TOP1MT: variants seen among roughly 807,000 people sequenced by gnomAD.
TOP1MT encodes the protein DNA topoisomerase I mitochondrial.
TOP1MT carries 80 observed loss-of-function variants against 73.9 expected under a neutral mutation model. The ratio of observed to expected loss-of-function variants is 1.08; its 90% CI spans 0.90 to 1.30. TOP1MT has a LOEUF of 1.30. Among genes scored for constraint, TOP1MT ranks in the 50% most tolerant of loss-of-function variants. The pLI is 0.00. For missense variants in TOP1MT, 815 were observed against 808.0 expected (o/e 1.01, Z -0.10); for synonymous variants, 338 against 326.4 (o/e 1.04, Z -0.38).
chr8:143,348,335 T>C (rs1054173375), upstream of TOP1MT, among the ~76,000 whole-genome samples: 4 of 152,046 alleles, frequency 2.6e-5, no homozygotes, highest in Non-Finnish European at 5.9e-5. This position sits in a 1 kb window ranked among gnomAD's most constrained non-coding sequence, Gnocchi z 4.6. Flanking sequence ...AACAAGAGAA[T>C]TGATAGAAAA....
chr8:143,352,457 G>A (rs747052443), intron 1 of TOP1MT, among the ~76,000 whole-genome samples: 5 of 152,150 alleles, frequency 3.3e-5, no homozygotes, highest in Admixed American at 6.5e-5. Context: ...TTTCAACAAG[G>A]GGTGCGGACT....
chr8:143,345,186 C>T (rs781032410), upstream of TOP1MT, among the ~76,000 whole-genome samples: 9 of 152,316 alleles, frequency 5.9e-5, no homozygotes, highest in African/African-American at 1.2e-4. Flanking sequence ...GACACAGACA[C>T]GTACCACACT....
At chr8:143,343,483 C>T in intron 1 of TOP1MT, 1 of 335,468 alleles carries the variant, frequency 3.0e-6, no homozygotes, top group Non-Finnish European at 5.9e-6. Context: ...ACTCTGAGCA[C>T]AGCACCAGCT....
chr8:143,320,964 G>A lies in TOP1MT; in HGVS notation c.1146+237C>T, dbSNP rs376258639. Among the ~76,000 whole-genome samples the A allele has an allele frequency of 2.6e-5, 4 of 152,180 alleles. No homozygotes were observed. In the East Asian group the frequency reaches 7.7e-4, roughly 29 times the overall value. Reference sequence around the variant, plus strand: ...GGCCGGGGGGCAGGAGACGAAGCTGGCGTGACACACGTGCCCTTTTCAGCC... The same window carrying A: ...GGCCGGGGGGCAGGAGACGAAGCTGACGTGACACACGTGCCCTTTTCAGCC... On this transcript the variant is annotated intron_variant, in intron 8 of 13. Transcript: ENST00000329245.
intron 7 of TOP1MT, among the ~76,000 whole-genome samples, chr8:143,321,868 C>CACAT (rs1816410662): frequency 1.5e-5 from 1 of 67,568 alleles, no homozygotes; most frequent in Non-Finnish European, 3.4e-5. Context: ...GCATGCCACA[C>CACAT]GCACACCACA....
At chr8:143,320,899 G>C (rs774369155) in intron 8 of TOP1MT, among the ~76,000 whole-genome samples, 2 of 152,210 alleles carry the variant, frequency 1.3e-5, no homozygotes, top group Non-Finnish European at 2.9e-5. Context: ...AAACCACTGG[G>C]TCTGCAGTGC....
At chr8:143,337,843 C>A (rs1313321933), upstream of TOP1MT, among the ~76,000 whole-genome samples, 2 of 152,214 alleles carry the variant, frequency 1.3e-5, no homozygotes, top group Non-Finnish European at 2.9e-5. Context: ...TCGGCCCGGA[C>A]CTAATCGCTT....
In TOP1MT at chr8:143,325,365, C is replaced by G. The variant is rs139942348; in HGVS notation, c.652G>C (p.Val218Leu). 18 of 1,595,566 alleles carry G rather than the reference C, an allele frequency of 1.1e-5. No homozygotes were observed. The highest frequency in any genetic ancestry group is 4.0e-5 in the African/African-American group (3 of 74,606). Residue 218 changes from valine (V) to leucine (L), a missense_variant, in exon 5 of 14, where the codon GTG (valine) becomes CTG (leucine). By Grantham distance (32) the Val-to-Leu change is conservative. Around this residue, in one of 3 missense-constraint regions of TOP1MT, gnomAD observed 751 missense variants for 725.4 expected, o/e 1.04. Transcript: ENST00000329245. ...MLKRRITPED[V>L]VINCSRDSKI... The stretch of plus-strand genomic sequence containing the variant: ...ACGCACCTGCTGCAGTTGATAACCA[C>G]ATCCTCTGGCGTGATCCTTCTCTTC...
At chr8:143,345,324 GGA>G (rs1817202232), upstream of TOP1MT, among the ~76,000 whole-genome samples, 1 of 147,844 alleles carries the variant, frequency 6.8e-6, no homozygotes, top group South Asian at 2.2e-4. Context: ...GAGCCCTGCA[GGA>G]GGCAGGTCCA....
rs1563759861 is a variant in TOP1MT, at chr8:143,322,681, C to CACACGCACGCA, written c.961-1296_961-1295insTGCGTGCGTGT. Among the ~76,000 whole-genome samples the CACACGCACGCA allele has an allele frequency of 4.2e-4, 25 of 60,044 alleles. No homozygotes were observed. The East Asian group carries it at 5.0e-3, about 12-fold the overall frequency. 39.4% of individuals were successfully genotyped at this position (60,044 alleles called of 152,430 possible). A position where few individuals can be genotyped will look rare whatever the true frequency, so the allele number is the denominator to read the frequency against. The stretch of plus-strand genomic sequence containing the variant: ...ACACACGCACGCCACACACGCACGC[C>CACACGCACGCA]ACACACGCACGCCACACGCACGCCA... On this transcript the variant is annotated intron_variant, in intron 7 of 13. Transcript: ENST00000329245.
At chr8:143,346,232 G>A (rs1368636816), upstream of TOP1MT, among the ~76,000 whole-genome samples, 1 of 152,188 alleles carries the variant, frequency 6.6e-6, no homozygotes. Flanking sequence ...TGAAGCTCAG[G>A]AGTGAAGAGG....
At chr8:143,326,371 C>T (rs1421802783) in intron 3 of TOP1MT, 27 bp from the exon 4 acceptor site, 4 of 1,613,384 alleles carry the variant, frequency 2.5e-6, no homozygotes, top group Middle Eastern at 1.6e-4. Flanking sequence ...CACGCGCTCT[C>T]ACCATGTCTG....
At position 143,344,487 on chromosome 8, in the gene TOP1MT, G is replaced by A. The variant is rs1042528573; in HGVS notation, c.-39+429C>T. 8.5e-5 allele frequency: 13 copies of A among 152,646 alleles called. No individual in the cohort carries two copies. The highest frequency in any genetic ancestry group is 3.3e-3 in the Middle Eastern group (1 of 300). The allele number at this position is 152,646 out of a possible 1,614,324, so 9.5% of individuals were successfully genotyped here. ...GCAGCAGCTGGTCCTCCAGGTCTCC[G>A]TGACTCCCCCAGCCCCATGCCCACC... On this transcript the variant is annotated intron_variant, in intron 1 of 5. Coordinates refer to the TOP1MT transcript ENST00000518007. The surrounding 1 kb of genome is among the most constrained non-coding windows in gnomAD (Gnocchi z 4.6).
In TOP1MT at chr8:143,322,989, CGCACGCCACACACAG is replaced by C. The variant is rs1363400461; in HGVS notation, c.960+995_960+1009del. Among the ~76,000 whole-genome samples the C allele has an allele frequency of 1.3e-3, 163 of 125,884 alleles. 1 individual carries two copies. In the East Asian group the frequency reaches 0.016, roughly 12 times the overall value. 82.6% of individuals were successfully genotyped at this position (125,884 alleles called of 152,430 possible). A position where few individuals can be genotyped will look rare whatever the true frequency, so the allele number is the denominator to read the frequency against. ...GCCACACACGCACGCACGCCACACA[CGCACGCCACACACAG>C]GCACGCCACACACATGCACACACAC... On this transcript the variant is annotated intron_variant, in intron 7 of 13. Coordinates refer to ENST00000329245, the MANE Select transcript of TOP1MT (RefSeq NM_052963.3).
chr8:143,316,462 C>T (rs547516213), intron 10 of TOP1MT, among the ~76,000 whole-genome samples: 39 of 150,928 alleles, frequency 2.6e-4, no homozygotes, highest in East Asian at 2.6e-3. Flanking sequence ...CTTCCCCTGG[C>T]GAGTCTGTGG....
intron 12 of TOP1MT, among the ~76,000 whole-genome samples, chr8:143,313,275 G>A (rs1816060348): frequency 1.3e-5 from 2 of 152,222 alleles, no homozygotes; most frequent in Admixed American, 6.5e-5. Flanking sequence ...ATGTGGCCGG[G>A]CGCAGTTGCT....
At chr8:143,345,785 C>T (rs1563772972), upstream of TOP1MT, among the ~76,000 whole-genome samples, 1 of 152,212 alleles carries the variant, frequency 6.6e-6, no homozygotes, top group Non-Finnish European at 1.5e-5. Context: ...ATCATCGACA[C>T]TTTTTCTAAA....
intron 2 of TOP1MT, among the ~76,000 whole-genome samples, chr8:143,330,825 G>A (rs546692188): frequency 4.1e-4 from 63 of 152,202 alleles, no homozygotes; most frequent in Non-Finnish European, 5.3e-4. Context: ...CACGGGCTCC[G>A]CTTCTTGCTG....
intron 12 of TOP1MT, among the ~76,000 whole-genome samples, chr8:143,310,727 G>A (rs377038499): frequency 1.1e-4 from 17 of 152,126 alleles, no homozygotes; most frequent in Admixed American, 7.2e-4. Context: ...ACAAACACTC[G>A]AATGTGCGTG....
Sources: gnomAD v4.1 joint callset for allele counts (sites outside exome capture counted in the v4.1 genomes callset) on GRCh38, gnomAD v4.1.1 for gene constraint, gnomAD v4.1.1 regional missense constraint, Gnocchi (gnomAD v3.1) non-coding constraint, MANE v1.5 for transcripts, NCBI Gene and HGNC (gene_info 2026-07-23, HGNC 2026-07-21) for gene names.